CHN2: variants seen among roughly 807,000 people sequenced by gnomAD.
The protein encoded by CHN2 is beta-chimaerin.
A neutral mutation model predicts 56.3 loss-of-function variants in CHN2; 35 were observed. The observed-to-expected ratio is 0.62, with a 90% CI of 0.47 to 0.82. The LOEUF (loss-of-function observed/expected upper bound fraction) is 0.82, where lower values mean the gene tolerates loss of function less well. Among genes scored for constraint, CHN2 ranks in the 40% least tolerant of loss-of-function variants. The pLI, the probability that CHN2 is intolerant of heterozygous loss-of-function variation, is 0.00. For missense variants in CHN2, 491 were observed against 580.5 expected (o/e 0.85, Z 1.58); for synonymous variants, 210 against 212.8 (o/e 0.99, Z 0.12).
At chr7:29,329,881 A>G (rs1003120709) in intron 1 of CHN2, among the ~76,000 whole-genome samples, 8 of 152,246 alleles carry the variant, frequency 5.3e-5, no homozygotes, top group East Asian at 1.9e-4. Flanking sequence ...TGAGGAATCT[A>G]GATGACAGTT....
chr7:29,272,496 A>G (rs1673426886), intron 1 of CHN2, among the ~76,000 whole-genome samples: 1 of 152,160 alleles, frequency 6.6e-6, no homozygotes. Flanking sequence ...TACTAAAGAA[A>G]GAACCTGTGC....
chr7:29,402,264 A>T (rs1350646063), intron 6 of CHN2, among the ~76,000 whole-genome samples: 2 of 152,158 alleles, frequency 1.3e-5, no homozygotes, highest in Non-Finnish European at 2.9e-5. Flanking sequence ...TCCTAGGAGA[A>T]CCTTCCACAG....
intron 2 of CHN2, among the ~76,000 whole-genome samples, chr7:29,357,540 A>G (rs1377180386): frequency 1.3e-5 from 2 of 152,262 alleles, no homozygotes; most frequent in Admixed American, 6.5e-5. Flanking sequence ...AATAAGTGTT[A>G]GAAATCAACA....
intron 2 of CHN2, among the ~76,000 whole-genome samples, chr7:29,158,496 CA>C (rs1308991901): frequency 6.6e-6 from 1 of 151,794 alleles, no homozygotes; most frequent in African/African-American, 2.4e-5. Context: ...CAGAATGGCT[CA>C]CTTTATTTTA....
intron 6 of CHN2, among the ~76,000 whole-genome samples, chr7:29,413,834 A>G (rs1204244284): frequency 6.6e-6 from 1 of 152,210 alleles, no homozygotes; most frequent in Non-Finnish European, 1.5e-5. Context: ...AAAGCGTTAT[A>G]TTAGGAATTA....
intron 6 of CHN2, among the ~76,000 whole-genome samples, chr7:29,419,301 T>G (rs1487899577): frequency 6.6e-6 from 1 of 152,202 alleles, no homozygotes; most frequent in Admixed American, 6.5e-5. Flanking sequence ...AGAATGAATT[T>G]GGACTCTTAC....
chr7:29,401,451 T>A lies in CHN2; in HGVS notation c.576+623T>A, dbSNP rs77595342. Among the ~76,000 whole-genome samples the A allele has an allele frequency of 1.3e-3, 198 of 152,288 alleles. 1 individual carries two copies. Among genetic ancestry groups the A allele is most frequent in the African/African-American group, 4.6e-3 (192 of 41,560 alleles). ...ATTAATGTATTATGATGAAACATGT[T>A]TTCAGTCACCATTTGAGGTGTCACT... On this transcript the variant is annotated intron_variant, in intron 6 of 12. Coordinates refer to ENST00000222792, the MANE Select transcript of CHN2 (RefSeq NM_004067.4).
At chr7:29,341,914 G>A (rs1361297157) in intron 1 of CHN2, among the ~76,000 whole-genome samples, 1 of 152,160 alleles carries the variant, frequency 6.6e-6, no homozygotes, top group African/African-American at 2.4e-5. Context: ...TGTGGCCTTG[G>A]GAAAGTGACT....
chr7:29,293,370 C>A (rs528200481), intron 1 of CHN2, among the ~76,000 whole-genome samples: 1 of 120,056 alleles, frequency 8.3e-6, no homozygotes, highest in African/African-American at 2.9e-5. Flanking sequence ...ATGCCCCCCC[C>A]CCCCCCCATA....
At chr7:29,432,990 G>A (rs1353954835) in intron 6 of CHN2, among the ~76,000 whole-genome samples, 1 of 152,182 alleles carries the variant, frequency 6.6e-6, no homozygotes, top group Admixed American at 6.5e-5. Flanking sequence ...AGACATTCCA[G>A]AAAATGGTTA....
At chr7:29,347,651 G>A (rs1049525493) in intron 1 of CHN2, among the ~76,000 whole-genome samples, 11 of 152,216 alleles carry the variant, frequency 7.2e-5, no homozygotes, top group Middle Eastern at 3.4e-3. Context: ...CCCTCAACAC[G>A]TAAGGATTAC....
At chr7:29,264,335 G>A (rs746757465) in intron 1 of CHN2, among the ~76,000 whole-genome samples, 3 of 152,328 alleles carry the variant, frequency 2.0e-5, no homozygotes, top group East Asian at 1.9e-4. Context: ...CATTGAGAGC[G>A]GGCCATGATG....
At position 29,482,797 on chromosome 7, in the gene CHN2, C is replaced by CTTTT. The variant is rs375120538; in HGVS notation, c.654+2480_654+2483dup. On this transcript the variant is annotated intron_variant, in intron 7 of 12. Coordinates refer to ENST00000222792, the MANE Select transcript of CHN2 (RefSeq NM_004067.4). ...TGCTAGGTGCTGTCTGCACTTTTTT[C>CTTTT]TTTTTTTTTTTTTTTTTTTTTTTTT... Among the ~76,000 whole-genome samples, 111 of 64,182 alleles carry CTTTT rather than the reference C, an allele frequency of 1.7e-3. 19 individuals are homozygous for CTTTT. The highest frequency in any genetic ancestry group is 2.0e-3 in the Non-Finnish European group (67 of 34,250). The allele number at this position is 64,182 out of a possible 152,430, so 42.1% of individuals were successfully genotyped here.
intron 1 of CHN2, among the ~76,000 whole-genome samples, chr7:29,331,703 T>C (rs755272034): frequency 6.6e-6 from 1 of 152,130 alleles, no homozygotes; most frequent in African/African-American, 2.4e-5. Flanking sequence ...TTCATTGGAT[T>C]GACTGGGAGA....
In CHN2 at chr7:29,425,618, G is replaced by T. The variant is rs1174285590; in HGVS notation, c.576+24790G>T. Among the ~76,000 whole-genome samples, 8 of 152,190 alleles carry T rather than the reference G, an allele frequency of 5.3e-5. No individual in the cohort carries two copies. In the East Asian group the frequency reaches 1.5e-3, roughly 29 times the overall value. On this transcript the variant is annotated intron_variant, in intron 6 of 12. Coordinates refer to ENST00000222792, the MANE Select transcript of CHN2 (RefSeq NM_004067.4). Reference sequence around the variant, plus strand: ...AACTTTAGACCTAACTGTAGCAGAAGTGGGGTATTCGGGTAGGTGTTCTGA... The same window carrying T: ...AACTTTAGACCTAACTGTAGCAGAATTGGGGTATTCGGGTAGGTGTTCTGA...
intron 6 of CHN2, among the ~76,000 whole-genome samples, chr7:29,455,970 A>AT (rs1784723394): frequency 6.6e-6 from 1 of 152,242 alleles, no homozygotes; most frequent in African/African-American, 2.4e-5. Context: ...GTAGCCAAGA[A>AT]GAGTCCTTGG....
At chr7:29,251,704 CAT>C (rs757832779) in intron 1 of CHN2, among the ~76,000 whole-genome samples, 10 of 152,276 alleles carry the variant, frequency 6.6e-5, no homozygotes, top group Admixed American at 1.3e-4. Context: ...CTTTCCTCAA[CAT>C]AGTGTTCTGA....
At chr7:29,511,019 G>T (rs1194110863) in intron 12 of CHN2, among the ~76,000 whole-genome samples, 1 of 152,116 alleles carries the variant, frequency 6.6e-6, no homozygotes, top group East Asian at 1.9e-4. Flanking sequence ...GAGGGATCAG[G>T]GCACATCTGT....
intron 3 of CHN2, among the ~76,000 whole-genome samples, chr7:29,369,767 A>C (rs912404539): frequency 6.6e-6 from 1 of 152,166 alleles, no homozygotes; most frequent in Admixed American, 6.5e-5. Flanking sequence ...CAGCGGGCTG[A>C]GGGTCCACTG....
Sources: allele counts gnomAD v4.1 joint callset (sites outside exome capture counted in the v4.1 genomes callset), GRCh38; gene constraint gnomAD v4.1.1; transcripts MANE v1.5; gene names NCBI Gene and HGNC (gene_info 2026-07-23, HGNC 2026-07-21).